The following NT5DC1 variants were observed in gnomAD, a reference collection of about 807,000 sequenced individuals.
The protein encoded by NT5DC1 is 5'-nucleotidase domain-containing protein 1.
In NT5DC1, 42 loss-of-function variants were observed where a neutral mutation model predicts 59.4. That is an observed-to-expected ratio of 0.71 (90% confidence interval 0.55 to 0.92). NT5DC1 has a LOEUF of 0.92. NT5DC1 is among the 40% of genes least tolerant of loss of function. The pLI, the probability that NT5DC1 is intolerant of heterozygous loss-of-function variation, is 0.00. For synonymous variants in NT5DC1, 172 were observed against 188.1 expected, an observed-to-expected ratio of 0.91 and a Z score of 0.70; for missense variants, 501 against 537.1, an observed-to-expected ratio of 0.93 and a Z score of 0.66.
chr6:116,189,635 C>T (rs1781075528), intron 6 of NT5DC1, among the ~76,000 whole-genome samples: 1 of 151,758 alleles, frequency 6.6e-6, no homozygotes, highest in Non-Finnish European at 1.5e-5. Flanking sequence ...ACCAGTTATG[C>T]AGACTGTTTT....
rs573847117 is a variant in NT5DC1 at position 116,223,228 on chromosome 6, C to T, written c.802+97C>T. The T allele has an allele frequency of 3.4e-4, 217 of 636,076 alleles. 2 individuals are homozygous for T. In the South Asian group the frequency reaches 4.1e-3, roughly 12 times the overall value. 39.4% of individuals were successfully genotyped at this position (636,076 alleles called of 1,614,324 possible). On this transcript the variant is annotated intron_variant, in intron 8 of 11. Coordinates refer to ENST00000319550, the MANE Select transcript of NT5DC1 (RefSeq NM_152729.3). The stretch of plus-strand genomic sequence containing the variant: ...CATGCAATGCCATGTCTTCTTTCCT[C>T]TCATGGGGAAGAAAAAAGATAATAA...
intron 2 of NT5DC1, among the ~76,000 whole-genome samples, chr6:116,108,133 A>G (rs903223138): frequency 2.6e-5 from 4 of 152,174 alleles, no homozygotes; most frequent in Non-Finnish European, 5.9e-5. Context: ...GATTTTACAA[A>G]CTAAATATGC....
intron 6 of NT5DC1, among the ~76,000 whole-genome samples, chr6:116,170,780 T>A (rs778265574): frequency 6.6e-6 from 1 of 152,224 alleles, no homozygotes; most frequent in Non-Finnish European, 1.5e-5. Context: ...CTGAAAATAC[T>A]GCATAGTACC....
intron 6 of NT5DC1, among the ~76,000 whole-genome samples, chr6:116,129,022 C>T (rs949329353): frequency 6.6e-6 from 1 of 152,170 alleles, no homozygotes; most frequent in Non-Finnish European, 1.5e-5. Flanking sequence ...TCACTCAATT[C>T]TCTTTTCATT....
At chr6:116,108,317 T>A (rs745602884) in intron 2 of NT5DC1, 47 bp from the exon 3 acceptor site, 13 of 1,171,338 alleles carry the variant, frequency 1.1e-5, no homozygotes, top group African/African-American at 1.5e-5. Context: ...ATTTCTTAGG[T>A]TAGCTAAATA....
intron 1 of NT5DC1, among the ~76,000 whole-genome samples, chr6:116,103,011 A>G (rs922510326): frequency 5.3e-5 from 8 of 152,160 alleles, no homozygotes; most frequent in African/African-American, 1.9e-4. Context: ...CTTCCATTCT[A>G]AGCCCACCTT....
chr6:116,212,141 ACT>A (rs768175347), intron 6 of NT5DC1, among the ~76,000 whole-genome samples: 16 of 152,202 alleles, frequency 1.1e-4, no homozygotes, highest in African/African-American at 2.2e-4. Flanking sequence ...AAAGTTAATA[ACT>A]CTGTCAAAAC....
intron 6 of NT5DC1, among the ~76,000 whole-genome samples, chr6:116,153,769 C>T (rs1277635904): frequency 6.6e-6 from 1 of 152,106 alleles, no homozygotes; most frequent in Admixed American, 6.5e-5. Flanking sequence ...ATGTTTTATG[C>T]AATGATATGA....
At chr6:116,187,063 G>T (rs1562156263) in intron 6 of NT5DC1, among the ~76,000 whole-genome samples, 1 of 152,042 alleles carries the variant, frequency 6.6e-6, no homozygotes, top group South Asian at 2.1e-4. Context: ...GTGCTCCCTT[G>T]TTGTGGTGTT....
At chr6:116,242,502 G>T (rs1328078319) in intron 11 of NT5DC1, among the ~76,000 whole-genome samples, 1 of 150,714 alleles carries the variant, frequency 6.6e-6, no homozygotes, top group Non-Finnish European at 1.5e-5. Flanking sequence ...AAAAGAGAGA[G>T]AGAGAGTGGC....
At chr6:116,167,480 A>G (rs1582848328) in intron 6 of NT5DC1, among the ~76,000 whole-genome samples, 3 of 152,164 alleles carry the variant, frequency 2.0e-5, no homozygotes, top group East Asian at 1.9e-4. Flanking sequence ...CCAAAGTGCT[A>G]GGATTACAGG....
At chr6:116,164,269 G>T (rs1417632965) in intron 6 of NT5DC1, among the ~76,000 whole-genome samples, 1 of 152,072 alleles carries the variant, frequency 6.6e-6, no homozygotes, top group African/African-American at 2.4e-5. Context: ...GGGTGCTCTG[G>T]TGTTGGGTAA....
chr6:116,195,857 T>G (rs1477029675), intron 6 of NT5DC1, among the ~76,000 whole-genome samples: 1 of 151,972 alleles, frequency 6.6e-6, no homozygotes, highest in African/African-American at 2.4e-5. Context: ...TTTCTAACAG[T>G]AACTTTAGAA....
intron 6 of NT5DC1, among the ~76,000 whole-genome samples, chr6:116,219,791 G>A (rs759664446): frequency 1.3e-4 from 19 of 151,662 alleles, no homozygotes; most frequent in East Asian, 1.9e-4. Context: ...GTGAAACCCC[G>A]TCTCTACTAA....
At chr6:116,181,719 C>A (rs1171902164) in intron 6 of NT5DC1, among the ~76,000 whole-genome samples, 1 of 149,398 alleles carries the variant, frequency 6.7e-6, no homozygotes, top group Non-Finnish European at 1.5e-5. Context: ...GCTTTCTGTG[C>A]AAAAAAAAAG....
intron 6 of NT5DC1, chr6:116,125,388 T>C (rs1263626730): frequency 6.2e-7 from 1 of 1,613,780 alleles, no homozygotes; most frequent in Non-Finnish European, 8.5e-7. Flanking sequence ...TGGTGTTGGG[T>C]AGTGGGCCTT....
intron 6 of NT5DC1, among the ~76,000 whole-genome samples, chr6:116,163,493 CTTAT>C (rs1436341962): frequency 2.6e-5 from 4 of 151,826 alleles, no homozygotes; most frequent in East Asian, 1.9e-4. Flanking sequence ...TCTGATTGTG[CTTAT>C]TTGAGTCCTC....
At chr6:116,200,748 C>A (rs1781331404) in intron 6 of NT5DC1, among the ~76,000 whole-genome samples, 1 of 151,992 alleles carries the variant, frequency 6.6e-6, no homozygotes, top group Non-Finnish European at 1.5e-5. Context: ...TCTTCTCCCA[C>A]TAGCTTGGAG....
In NT5DC1 at chr6:116,247,630, T is replaced by TC. The variant is rs1223663446; in HGVS notation, c.*3606_*3607insC. 4 of 152,232 alleles carry TC rather than the reference T, an allele frequency of 2.6e-5. No homozygotes were observed. The highest frequency in any genetic ancestry group is 4.4e-5 in the Non-Finnish European group (3 of 68,030). The allele number at this position is 152,232 out of a possible 1,614,324, so 9.4% of individuals were successfully genotyped here. A position where few individuals can be genotyped will look rare whatever the true frequency, so the allele number is the denominator to read the frequency against. ...TTGCCAATCAGTTTGTTGTACCATGTACCTGTTCACAGACTCTTTTCAAAA... is the reference window on the plus strand; with the variant it reads ...TTGCCAATCAGTTTGTTGTACCATGTCACCTGTTCACAGACTCTTTTCAAAA... On this transcript the variant is annotated 3_prime_UTR_variant, in exon 12 of 12. Transcript: ENST00000319550.
Sources: gnomAD v4.1 joint callset for allele counts (sites outside exome capture counted in the v4.1 genomes callset) on GRCh38, gnomAD v4.1.1 for gene constraint, MANE v1.5 for transcripts, NCBI Gene and HGNC (gene_info 2026-07-23, HGNC 2026-07-21) for gene names.